The following ACAA1 variants were observed in gnomAD, a reference collection of about 807,000 sequenced individuals.
ACAA1 encodes acetyl-CoA acyltransferase 1.
Under a neutral mutation model 48.8 loss-of-function variants are expected in ACAA1, and 44 were observed. That is an observed-to-expected ratio of 0.90 (90% CI 0.71 to 1.16). The LOEUF (loss-of-function observed/expected upper bound fraction) is 1.16. Ranked by LOEUF, ACAA1 falls within the 50% of genes most tolerant of loss-of-function variation. ACAA1 has a pLI of 0.00. For missense variants in ACAA1, 512 were observed against 562.3 expected (o/e 0.91, Z 0.90); for synonymous variants, 233 against 226.5 (o/e 1.03, Z -0.26).
chr3:38,136,952 G>T lies in ACAA1; in HGVS notation c.84C>A (p.Ser28Arg). The stretch of plus-strand genomic sequence containing the variant: ...CCGCGGCCGAGGCCTGCGGGGCACC[G>T]CTCAGGCAAGGCGCGGCCTGCGGCA... ...GWMPQAAPCL[S>R]GAPQASAADV... The change falls in exon 1 of 12, where the codon AGC becomes AGA. Residue 28 changes from serine (S) to arginine (R), a missense_variant. By Grantham distance (110) the Ser-to-Arg change is moderately radical (BLOSUM62 -1). Coordinates refer to ENST00000333167, the MANE Select transcript of ACAA1 (RefSeq NM_001607.4). The T allele has an allele frequency of 6.5e-7, 1 of 1,547,944 alleles. No individual in the cohort carries two copies.
chr3:38,125,499 C>T, intron 11 of ACAA1, 66 bp downstream of exon 11: 1 of 1,503,702 alleles, frequency 6.7e-7, no homozygotes, highest in Non-Finnish European at 8.9e-7. Flanking sequence ...ACCTCTATCC[C>T]CTGCCCTTCA....
chr3:38,130,149 G>A (rs537474824), intron 5 of ACAA1, among the ~76,000 whole-genome samples: 31 of 152,334 alleles, frequency 2.0e-4, no homozygotes, highest in Admixed American at 3.3e-4. Flanking sequence ...GAAGGAGACG[G>A]CAGTGTAGTG....
chr3:38,133,327 C>T (rs1559479127), intron 3 of ACAA1, among the ~76,000 whole-genome samples: 1 of 152,128 alleles, frequency 6.6e-6, no homozygotes, highest in East Asian at 1.9e-4. Flanking sequence ...TTGTAGGGGG[C>T]CTTGAACTAC....
At chr3:38,131,773 A>C (rs1700794027) in intron 4 of ACAA1, 135 bp from the exon 5 acceptor site, 1 of 1,278,218 alleles carries the variant, frequency 7.8e-7, no homozygotes, top group African/African-American at 1.5e-5. Flanking sequence ...GAGTGTTCAG[A>C]AAAGGCTTTG....
At chr3:38,134,548 T>C (rs920876420) in intron 2 of ACAA1, 8 of 455,460 alleles carry the variant, frequency 1.8e-5, no homozygotes, top group African/African-American at 1.0e-4. Context: ...AAACTCCATG[T>C]TGATCTGTAC....
At position 38,128,259 on chromosome 3, in the gene ACAA1, T is replaced by C. The variant is rs13434098; in HGVS notation, c.546-393A>G. Among the ~76,000 whole-genome samples, 796 of 152,152 alleles carry C rather than the reference T, an allele frequency of 5.2e-3. 7 individuals carry two copies. The highest frequency in any genetic ancestry group is 0.018 in the African/African-American group (763 of 41,488). Reference sequence around the variant, plus strand: ...ACTAGTTGGCTACTCCTGGCCAGCTTCTCCTATGCCTCAAGGAAGACTGCT... The same window carrying C: ...ACTAGTTGGCTACTCCTGGCCAGCTCCTCCTATGCCTCAAGGAAGACTGCT... On this transcript the variant is annotated intron_variant, in intron 6 of 11. Transcript: ENST00000333167.
chr3:38,131,822 T>C lies in ACAA1; in HGVS notation c.403+104A>G, dbSNP rs1480380860. Reference sequence around the variant, plus strand: ...GGCGCTCCTGCACTCTTTCTGTGGTTAGAGTCCTCAGAAATGGTAATTATT... The same window carrying C: ...GGCGCTCCTGCACTCTTTCTGTGGTCAGAGTCCTCAGAAATGGTAATTATT... On this transcript the variant is annotated intron_variant, in intron 4 of 11. Transcript: ENST00000333167. 4 of 1,277,462 alleles carry C rather than the reference T, an allele frequency of 3.1e-6. No homozygotes were observed. The African/African-American group carries it at 5.9e-5, about 19-fold the overall frequency. The allele number at this position is 1,277,462 out of a possible 1,614,324, so 79.1% of individuals were successfully genotyped here.
chr3:38,134,553 C>A (rs1283242482), intron 2 of ACAA1: 1 of 455,166 alleles, frequency 2.2e-6, no homozygotes, highest in Non-Finnish European at 4.4e-6. Context: ...CCATGTTGAT[C>A]TGTACAAAGA....
chr3:38,130,212 A>G (rs372612742), intron 5 of ACAA1, among the ~76,000 whole-genome samples: 1 of 152,268 alleles, frequency 6.6e-6, no homozygotes, highest in African/African-American at 2.4e-5. Flanking sequence ...TCAAGGGATG[A>G]TAACAGATAA....
chr3:38,127,689 A>G lies in ACAA1; in HGVS notation c.626+97T>C, dbSNP rs1441562342. 8.5e-6 allele frequency: 11 copies of G among 1,296,354 alleles called. No individual in the cohort carries two copies. In the East Asian group the frequency reaches 2.6e-4, roughly 30 times the overall value. 80.3% of individuals were successfully genotyped at this position (1,296,354 alleles called of 1,614,324 possible). On this transcript the variant is annotated intron_variant, in intron 7 of 11. Coordinates refer to ENST00000333167, the MANE Select transcript of ACAA1 (RefSeq NM_001607.4). ...AAGGCCTGGAAAGCACTCACTGCCC[A>G]GCAGTAACCACGAAATGGTGCCACT...
Position 38,129,435 on chromosome 3 carries a change from G to T in ACAA1, c.447-47C>A. On this transcript the variant is annotated intron_variant, in intron 5 of 11. Transcript: ENST00000333167. The surrounding 1 kb of genome is among the most constrained non-coding windows in gnomAD (Gnocchi z 5.3). ...AGAAGGTAAGGTGAACTGGGCCCTA[G>T]CAGGACTCCTCCAGAGATAGCTGAA... 6.9e-7 allele frequency: 1 copy of T among 1,448,058 alleles called. No individual in the cohort carries two copies. The highest frequency in any genetic ancestry group is 9.7e-7 in the Non-Finnish European group (1 of 1,032,068). 89.7% of individuals were successfully genotyped at this position (1,448,058 alleles called of 1,614,324 possible).
chr3:38,126,688 G>C lies in ACAA1; in HGVS notation c.639C>G (p.Ala213=). The part of the protein sequence containing the change: ...ALASQQKAAR[A]QSKGCFQAEI... ...CAGCTTGGAAACAGCCCTTGCTCTG[G>C]GCTCTTGCTGCCCTGCCAGCACCAT... Residue 213 remains alanine, a synonymous_variant, in exon 8 of 12, where the codon GCC becomes GCG. Transcript: ENST00000333167. The surrounding 1 kb of genome is among the most constrained non-coding windows in gnomAD (Gnocchi z 4.7). 6.2e-7 allele frequency: 1 copy of C among 1,613,526 alleles called. No individual in the cohort carries two copies. Among genetic ancestry groups the C allele is most frequent in the South Asian group, 1.1e-5 (1 of 91,054 alleles).
In ACAA1 at chr3:38,132,335, G is replaced by T. The variant is rs189022526; in HGVS notation, c.324-330C>A. ...GGGATCCTTCTCTCTCTCTCCCTTT[G>T]AAGATTCAGAAATGAAAACTGTGTA... is the stretch of plus-strand genomic sequence containing the variant. On this transcript the variant is annotated intron_variant, in intron 3 of 11. Transcript: ENST00000333167. 384 of 173,680 alleles carry T rather than the reference G, an allele frequency of 2.2e-3. 1 individual carries two copies. Among genetic ancestry groups the T allele is most frequent in the Non-Finnish European group, 2.8e-3 (222 of 80,358 alleles). 10.8% of individuals were successfully genotyped at this position (173,680 alleles called of 1,614,324 possible).
chr3:38,125,977 C>G (rs1044935844), intron 9 of ACAA1, 96 bp from the exon 10 acceptor site: 22 of 1,574,416 alleles, frequency 1.4e-5, no homozygotes, highest in Middle Eastern at 1.8e-4. Context: ...TGGTGTGTGT[C>G]TCTTCCAGAA....
At chr3:38,134,110 G>T in intron 2 of ACAA1, 101 bp from the exon 3 acceptor site, 1 of 1,206,978 alleles carries the variant, frequency 8.3e-7, no homozygotes, top group Non-Finnish European at 1.2e-6. Flanking sequence ...TCTTTCTTCG[G>T]GACACTAGCC....
chr3:38,133,738 C>A (rs950725484), intron 3 of ACAA1: 2 of 584,266 alleles, frequency 3.4e-6, no homozygotes, highest in African/African-American at 3.8e-5. Flanking sequence ...CTACAGAGAA[C>A]TTCTGCTCCA....
intron 5 of ACAA1, among the ~76,000 whole-genome samples, chr3:38,131,000 T>C (rs1384005): frequency 0.025 from 3,765 of 152,218 alleles, 164 homozygotes; most frequent in African/African-American, 0.085. Context: ...GCCCTGACCT[T>C]CCCTGGAGGC....
intron 5 of ACAA1, among the ~76,000 whole-genome samples, chr3:38,130,924 G>C (rs1286826316): frequency 6.6e-6 from 1 of 152,184 alleles, no homozygotes; most frequent in Non-Finnish European, 1.5e-5. Flanking sequence ...ACCTCCCCCA[G>C]CCTGCCAAAG....
Position 38,126,711 on chromosome 3 carries a change from C to G in ACAA1, c.627-11G>C. On this transcript the variant is annotated splice_polypyrimidine_tract_variant and intron_variant, in intron 7 of 11. Transcript: ENST00000333167. The surrounding 1 kb of genome is among the most constrained non-coding windows in gnomAD (Gnocchi z 4.7). Reference sequence around the variant, plus strand: ...TGGGCTCTTGCTGCCCTGCCAGCACCATGGACAGCCAGCTTCAGACTCCCT... The same window carrying G: ...TGGGCTCTTGCTGCCCTGCCAGCACGATGGACAGCCAGCTTCAGACTCCCT... The G allele has an allele frequency of 6.2e-7, 1 of 1,612,874 alleles. No homozygotes were observed. Among genetic ancestry groups the G allele is most frequent in the Non-Finnish European group, 8.5e-7 (1 of 1,180,014 alleles).
Sources: gnomAD v4.1 joint callset for allele counts (sites outside exome capture counted in the v4.1 genomes callset) on GRCh38, gnomAD v4.1.1 for gene constraint, Gnocchi (gnomAD v3.1) non-coding constraint, MANE v1.5 for transcripts, NCBI Gene and HGNC (gene_info 2026-07-23, HGNC 2026-07-21) for gene names.